Variants in SLC7A2 observed in about 807,000 individuals in gnomAD.
SLC7A2 encodes cationic amino acid transporter 2.
Under a neutral mutation model 58.9 loss-of-function variants are expected in SLC7A2, and 48 were observed. The ratio of observed to expected loss-of-function variants is 0.82; its 90% CI spans 0.65 to 1.04. The LOEUF (loss-of-function observed/expected upper bound fraction) is 1.04, where lower values mean the gene tolerates loss of function less well. SLC7A2 is among the 50% of genes least tolerant of loss of function. The pLI is 0.00. For synonymous variants in SLC7A2, 363 were observed against 314.5 expected, an observed-to-expected ratio of 1.15 and a Z score of -1.63; for missense variants, 1,029 against 818.8, an observed-to-expected ratio of 1.26 and a Z score of -3.13.
chr8:17,497,515 C>T lies in SLC7A2; in HGVS notation c.-69+278C>T, dbSNP rs897211959. Among the ~76,000 whole-genome samples, 4 of 152,342 alleles carry T rather than the reference C, an allele frequency of 2.6e-5. No individual in the cohort carries two copies. The East Asian group carries it at 7.8e-4, about 30-fold the overall frequency. The stretch of plus-strand genomic sequence containing the variant: ...GAATGCGCCTCGCCTCGTCCGGTCC[C>T]TGTGCAGCCGGCTCTGCCCGGGGAC... On this transcript the variant is annotated intron_variant, in intron 1 of 12. Transcript: ENST00000494857.
chr8:17,515,954 C>G (rs535663252), intron 2 of SLC7A2, among the ~76,000 whole-genome samples: 380 of 152,184 alleles, frequency 2.5e-3, no homozygotes, highest in Non-Finnish European at 3.3e-3. Context: ...CAATGCCTTA[C>G]TCTTTTTATA....
intron 9 of SLC7A2, among the ~76,000 whole-genome samples, chr8:17,558,916 T>TTA (rs1195951213): frequency 6.6e-6 from 1 of 152,160 alleles, no homozygotes; most frequent in Non-Finnish European, 1.5e-5. Flanking sequence ...AAAACTATAG[T>TTA]TATATATAGT....
chr8:17,563,466 C>A, intron 11 of SLC7A2, 137 bp from the exon 12 acceptor site: 1 of 614,250 alleles, frequency 1.6e-6, no homozygotes, highest in Non-Finnish European at 2.9e-6. Flanking sequence ...CTTTTATGGT[C>A]TCTAGAAGCG....
At chr8:17,514,033 A>G (rs565881679) in intron 2 of SLC7A2, among the ~76,000 whole-genome samples, 1 of 152,352 alleles carries the variant, frequency 6.6e-6, no homozygotes, top group African/African-American at 2.4e-5. Context: ...GCATGTAAAT[A>G]TCACTGACCC....
chr8:17,560,004 C>T (rs777282350), intron 9 of SLC7A2, among the ~76,000 whole-genome samples: 13 of 152,140 alleles, frequency 8.5e-5, no homozygotes, highest in Non-Finnish European at 1.3e-4. Flanking sequence ...TTTCATGAAC[C>T]GCATTTCCTT....
intron 2 of SLC7A2, among the ~76,000 whole-genome samples, chr8:17,537,441 C>T (rs1280585506): frequency 3.3e-5 from 5 of 152,128 alleles, no homozygotes; most frequent in Non-Finnish European, 7.3e-5. Context: ...TGCACTAGAC[C>T]ATTTGACCGA....
chr8:17,526,482 G>C (rs1801227445), intron 2 of SLC7A2, among the ~76,000 whole-genome samples: 1 of 151,352 alleles, frequency 6.6e-6, no homozygotes, highest in South Asian at 2.1e-4. Flanking sequence ...GTTGGTGAGA[G>C]AGAACCTCAC....
rs772998799 is a variant in SLC7A2, at chr8:17,562,031, C to T, written c.1592C>T (p.Ala531Val). Residue 531 changes from alanine (A) to valine (V), a missense_variant, in exon 11 of 13, where the codon GCG becomes GTG. Physicochemically the swap from Ala to Val is moderately conservative, Grantham distance 64. Coordinates refer to ENST00000494857, the MANE Select transcript of SLC7A2 (RefSeq NM_001370338.1). ...RLEAWSLALLALFLVLFVAIV... is the reference protein window; with the variant it reads ...RLEAWSLALLVLFLVLFVAIV... Reference sequence around the variant, plus strand: ...GAGGCCTGGAGCCTCGCTCTCCTCGCGCTGTTTCTTGTTCTCTTCGTTGCC... The same window carrying T: ...GAGGCCTGGAGCCTCGCTCTCCTCGTGCTGTTTCTTGTTCTCTTCGTTGCC... 4.2e-5 allele frequency: 67 copies of T among 1,613,902 alleles called. No homozygotes were observed. In the Middle Eastern group the frequency reaches 8.2e-4, roughly 20 times the overall value.
intron 2 of SLC7A2, among the ~76,000 whole-genome samples, chr8:17,530,945 T>C (rs1801426494): frequency 6.6e-6 from 1 of 152,220 alleles, no homozygotes; most frequent in Non-Finnish European, 1.5e-5. Flanking sequence ...AAGCATTAAT[T>C]GTTATTTTAA....
intron 2 of SLC7A2, among the ~76,000 whole-genome samples, chr8:17,532,877 T>A (rs1304815004): frequency 6.6e-6 from 1 of 152,206 alleles, no homozygotes; most frequent in Non-Finnish European, 1.5e-5. Flanking sequence ...AATTTCTTTT[T>A]AACAACACTC....
intron 2 of SLC7A2, chr8:17,511,302 T>A (rs1488556104): frequency 2.0e-5 from 3 of 152,194 alleles, no homozygotes; most frequent in African/African-American, 4.8e-5. Flanking sequence ...AAGCATTTTC[T>A]CCTTAACTTC....
chr8:17,496,060 T>C (rs2150626357), upstream of SLC7A2, among the ~76,000 whole-genome samples: 1 of 152,360 alleles, frequency 6.6e-6, no homozygotes, highest in Non-Finnish European at 1.5e-5. Flanking sequence ...TTGCCAAAGT[T>C]ATTACTAGTA....
In SLC7A2 at chr8:17,543,373, C is replaced by G. The variant is rs780579380; in HGVS notation, c.34C>G (p.Arg12Gly). 3 of 1,614,022 alleles carry G rather than the reference C, an allele frequency of 1.9e-6. No homozygotes were observed. The highest frequency in any genetic ancestry group is 2.5e-6 in the Non-Finnish European group (3 of 1,179,976). Residue 12 changes from arginine to glycine, a missense_variant, in exon 3 of 13, where the codon CGA becomes GGA. Physicochemically the swap from Arg to Gly is moderately radical, Grantham distance 125 (BLOSUM62 -2). Transcript: ENST00000494857. ...TTGCAGAGCCGCGCTGACCTTTGCC[C>G]GATGTCTGATCCGGAGAAAAATCGT... Reference protein sequence around the residue: ...IPCRAALTFARCLIRRKIVTL... With the variant: ...IPCRAALTFAGCLIRRKIVTL...
chr8:17,521,699 C>G (rs533662916), intron 2 of SLC7A2, among the ~76,000 whole-genome samples: 2 of 152,200 alleles, frequency 1.3e-5, no homozygotes, highest in Non-Finnish European at 2.9e-5. Flanking sequence ...TGGGGTGCTG[C>G]GGTATGCTTG....
chr8:17,495,590 C>T (rs1340841532), upstream of SLC7A2, among the ~76,000 whole-genome samples: 3 of 152,204 alleles, frequency 2.0e-5, no homozygotes, highest in East Asian at 1.9e-4. Context: ...CACTCTGTCG[C>T]CCAGGCTGGA....
At chr8:17,562,244 A>G (rs1170827382) in intron 11 of SLC7A2, 134 bp downstream of exon 11, 5 of 832,610 alleles carry the variant, frequency 6.0e-6, no homozygotes, top group African/African-American at 4.3e-5. Flanking sequence ...TTTGTCACTC[A>G]GGCTGGAGTG....
At chr8:17,550,244 C>G in intron 5 of SLC7A2, 57 bp from the exon 6 acceptor site, 1 of 1,563,832 alleles carries the variant, frequency 6.4e-7, no homozygotes, top group Non-Finnish European at 8.7e-7. Context: ...AGAAAAGTCA[C>G]CAGAAGGAGA....
chr8:17,507,664 A>T (rs1442530051), intron 2 of SLC7A2, among the ~76,000 whole-genome samples: 2 of 152,230 alleles, frequency 1.3e-5, no homozygotes, highest in African/African-American at 4.8e-5. Context: ...AATATGTACA[A>T]TTATTACATG....
intron 2 of SLC7A2, among the ~76,000 whole-genome samples, chr8:17,520,256 A>G (rs754756538): frequency 6.6e-6 from 1 of 152,336 alleles, no homozygotes; most frequent in African/African-American, 2.4e-5. Flanking sequence ...TAAGACAGTT[A>G]TCTGAAGCAT....
Sources: allele counts gnomAD v4.1 joint callset (sites outside exome capture counted in the v4.1 genomes callset), GRCh38; gene constraint gnomAD v4.1.1; transcripts MANE v1.5; gene names NCBI Gene and HGNC (gene_info 2026-07-23, HGNC 2026-07-21).